The following FBXL13 variants were observed in gnomAD, a reference collection of about 807,000 sequenced individuals.
FBXL13 encodes F-box and leucine-rich repeat protein 13.
A neutral mutation model predicts 83.6 loss-of-function variants in FBXL13; 67 were observed. That is an observed-to-expected ratio of 0.80 (90% CI 0.66 to 0.98). The LOEUF is 0.98. Among genes scored for constraint, FBXL13 ranks in the 50% least tolerant of loss-of-function variants. The pLI is 0.00. For synonymous variants in FBXL13, 272 were observed against 299.5 expected (o/e 0.91, Z 0.95); for missense variants, 822 against 866.5 (o/e 0.95, Z 0.64).
At chr7:102,957,219 G>GAAATAAC (rs1228557924) in intron 8 of FBXL13, among the ~76,000 whole-genome samples, 3 of 152,140 alleles carry the variant, frequency 2.0e-5, no homozygotes, top group Non-Finnish European at 4.4e-5. Flanking sequence ...AGAGGCCTCA[G>GAAATAAC]AAATAACACC....
At chr7:102,963,357 G>C (rs570064695) in intron 8 of FBXL13, among the ~76,000 whole-genome samples, 176 bp downstream of exon 9, 1 of 151,648 alleles carries the variant, frequency 6.6e-6, no homozygotes, top group African/African-American at 2.4e-5. Flanking sequence ...CCAACTCCCA[G>C]GGCATGCAAT....
At chr7:102,977,155 T>C (rs1305272696) in intron 6 of FBXL13, among the ~76,000 whole-genome samples, 1 of 152,160 alleles carries the variant, frequency 6.6e-6, no homozygotes, top group Non-Finnish European at 1.5e-5. Flanking sequence ...AATATTATGG[T>C]CCTGCCACTT....
chr7:102,814,908 T>C (rs1797781066), intron 19 of FBXL13, among the ~76,000 whole-genome samples: 1 of 152,216 alleles, frequency 6.6e-6, no homozygotes, highest in Non-Finnish European at 1.5e-5. Flanking sequence ...TATGCAAAAG[T>C]AGTGGGTTTA....
At chr7:102,857,325 A>C (rs942577221) in intron 16 of FBXL13, 13 of 152,270 alleles carry the variant, frequency 8.5e-5, no homozygotes, top group Non-Finnish European at 1.6e-4. Context: ...TGTGTGAACT[A>C]GTCATACAAC....
At chr7:102,849,940 C>T (rs775663700) in intron 17 of FBXL13, among the ~76,000 whole-genome samples, 15 of 151,812 alleles carry the variant, frequency 9.9e-5, no homozygotes, top group Non-Finnish European at 1.9e-4. Context: ...AGCAAACCAC[C>T]ATGACACACG....
chr7:102,979,633 G>A (rs1431607014), intron 6 of FBXL13, among the ~76,000 whole-genome samples: 6 of 152,180 alleles, frequency 3.9e-5, no homozygotes, highest in Non-Finnish European at 7.4e-5. Context: ...TGCAGTCATG[G>A]AGGCTTTAAT....
At chr7:103,061,979 G>A (rs1232805153) in intron 1 of FBXL13, among the ~76,000 whole-genome samples, 1 of 39,734 alleles carries the variant, frequency 2.5e-5, no homozygotes, top group Non-Finnish European at 5.5e-5. Context: ...ACTTAATCTT[G>A]AAAGAAACAT....
chr7:103,062,986 A>G (rs1363690872), intron 1 of FBXL13, among the ~76,000 whole-genome samples: 1 of 152,224 alleles, frequency 6.6e-6, no homozygotes, highest in Non-Finnish European at 1.5e-5. Context: ...CCCAGGAGAA[A>G]AGACTGGCTG....
chr7:102,905,650 T>C (rs1813639088), intron 11 of FBXL13, among the ~76,000 whole-genome samples: 1 of 152,194 alleles, frequency 6.6e-6, no homozygotes, highest in South Asian at 2.1e-4. Context: ...TTATTCCTGC[T>C]ATTTTGTTAT....
intron 6 of FBXL13, among the ~76,000 whole-genome samples, chr7:102,995,769 G>C (rs1484010908): frequency 7.2e-6 from 1 of 138,498 alleles, no homozygotes; most frequent in Non-Finnish European, 1.6e-5. Flanking sequence ...CCTGGTGACA[G>C]AGCAAGACTC....
At chr7:102,999,319 T>C (rs1790150916) in intron 6 of FBXL13, among the ~76,000 whole-genome samples, 1 of 152,204 alleles carries the variant, frequency 6.6e-6, no homozygotes, top group African/African-American at 2.4e-5. Context: ...GTATTCTGTT[T>C]GCTAGTATTT....
At chr7:103,051,546 A>G (rs777082969) in intron 2 of FBXL13, among the ~76,000 whole-genome samples, 1 of 152,232 alleles carries the variant, frequency 6.6e-6, no homozygotes, top group African/African-American at 2.4e-5. Context: ...TTGTTTGTTC[A>G]GTTCACTCAA....
intron 5 of FBXL13, among the ~76,000 whole-genome samples, chr7:103,026,207 C>T (rs1201430240): frequency 6.6e-6 from 1 of 151,836 alleles, no homozygotes; most frequent in Non-Finnish European, 1.5e-5. Context: ...GGCGTGATCT[C>T]GGCTCACTGC....
intron 6 of FBXL13, among the ~76,000 whole-genome samples, chr7:102,992,834 T>C (rs1179813405): frequency 2.6e-5 from 4 of 152,340 alleles, no homozygotes; most frequent in South Asian, 4.1e-4. Context: ...CTGGAACTTC[T>C]GGACCCCAGC....
At chr7:102,867,343 G>C (rs1807801489) in intron 16 of FBXL13, among the ~76,000 whole-genome samples, 1 of 151,736 alleles carries the variant, frequency 6.6e-6, no homozygotes, top group African/African-American at 2.4e-5. Context: ...AAGTGACACA[G>C]AAAGACTCTG....
chr7:103,026,473 A>G (rs1288040084), intron 5 of FBXL13, among the ~76,000 whole-genome samples: 1 of 152,204 alleles, frequency 6.6e-6, no homozygotes, highest in Non-Finnish European at 1.5e-5. Flanking sequence ...GCAGACTAAC[A>G]TAGTATTAGG....
intron 6 of FBXL13, among the ~76,000 whole-genome samples, chr7:102,983,682 A>C (rs1033998712): frequency 6.6e-6 from 1 of 152,040 alleles, no homozygotes; most frequent in Non-Finnish European, 1.5e-5. Context: ...TGGCCTCCCA[A>C]AGTGCTAGGA....
chr7:102,944,423 C>T, intron 8 of FBXL13: 1 of 1,613,898 alleles, frequency 6.2e-7, no homozygotes, highest in Non-Finnish European at 8.5e-7. Context: ...TGCAAAACGC[C>T]TGAAGAATAC....
intron 6 of FBXL13, among the ~76,000 whole-genome samples, chr7:102,978,972 C>T (rs1311889530): frequency 6.6e-6 from 1 of 152,154 alleles, no homozygotes; most frequent in African/African-American, 2.4e-5. Flanking sequence ...TTTCTCAGTG[C>T]TCCTGTAAAA....
Sources: allele counts gnomAD v4.1 joint callset (sites outside exome capture counted in the v4.1 genomes callset), GRCh38; gene constraint gnomAD v4.1.1; transcripts MANE v1.5; gene names NCBI Gene and HGNC (gene_info 2026-07-23, HGNC 2026-07-21).